Variants in PDIK1L observed in about 807,000 individuals in gnomAD.
PDIK1L encodes the protein serine/threonine-protein kinase PDIK1L.
In PDIK1L, 9 loss-of-function variants were observed where a neutral mutation model predicts 27.1. The observed-to-expected ratio is 0.33, with a 90% CI of 0.20 to 0.58. The LOEUF (loss-of-function observed/expected upper bound fraction) is 0.58. PDIK1L is among the 20% of genes least tolerant of loss of function. The pLI, the probability that PDIK1L is intolerant of heterozygous loss-of-function variation, is 0.86. For synonymous variants in PDIK1L, 130 were observed against 141.7 expected, an observed-to-expected ratio of 0.92 and a Z score of 0.59; for missense variants, 216 against 413.2, an observed-to-expected ratio of 0.52 and a Z score of 4.14.
At chr1:26,120,520 G>A (rs144220913) in intron 2 of PDIK1L, among the ~76,000 whole-genome samples, 3 of 152,328 alleles carry the variant, frequency 2.0e-5, no homozygotes, top group African/African-American at 4.8e-5. Flanking sequence ...TTCTTTGCTT[G>A]TGCTTTCCCA....
In PDIK1L at chr1:26,114,654, G is replaced by C; in HGVS notation, c.285+61G>C. On this transcript the variant is annotated intron_variant, in intron 2 of 2. Coordinates refer to ENST00000374269, the MANE Select transcript of PDIK1L (RefSeq NM_152835.5). This position sits in a 1 kb window ranked among gnomAD's most constrained non-coding sequence, Gnocchi z 4.8. ...AACATGGCATTGGCCAGCAAGAAGA[G>C]GAATGAAAGGGTCAGACGAACGTTT... 1 of 1,554,640 alleles carries C rather than the reference G, an allele frequency of 6.4e-7. No homozygotes were observed. The highest frequency in any genetic ancestry group is 8.8e-7 in the Non-Finnish European group (1 of 1,138,670).
intron 2 of PDIK1L, among the ~76,000 whole-genome samples, chr1:26,120,075 C>T (rs1002284386): frequency 4.6e-5 from 7 of 152,206 alleles, no homozygotes; most frequent in Non-Finnish European, 7.3e-5. Context: ...TTGGGTGCTG[C>T]ATTTCCATAG....
chr1:26,119,439 A>C (rs1050872654), intron 2 of PDIK1L, among the ~76,000 whole-genome samples: 1 of 151,332 alleles, frequency 6.6e-6, no homozygotes, highest in Non-Finnish European at 1.5e-5. Flanking sequence ...CACACACACA[A>C]AATATATATA....
Position 26,122,908 on chromosome 1 carries a change from ATTAGGAAT to A in PDIK1L, c.*334_*341del, listed in dbSNP as rs2088014687. The A allele has an allele frequency of 1.1e-5, 2 of 180,384 alleles. No homozygotes were observed. The highest frequency in any genetic ancestry group is 2.3e-5 in the Non-Finnish European group (2 of 85,700). 11.2% of individuals were successfully genotyped at this position (180,384 alleles called of 1,614,324 possible). A position where few individuals can be genotyped will look rare whatever the true frequency, so the allele number is the denominator to read the frequency against. On this transcript the variant is annotated 3_prime_UTR_variant, in exon 3 of 3. Transcript: ENST00000374269. The surrounding 1 kb of genome is among the most constrained non-coding windows in gnomAD (Gnocchi z 5.4). ...AGTATTTTAGACATTCCTCGTCAGTATTAGGAATTTCCATGGGAAAAGAGGTTTGCATG... is the reference window on the plus strand; with the variant it reads ...AGTATTTTAGACATTCCTCGTCAGTATTCCATGGGAAAAGAGGTTTGCATG...
In PDIK1L at chr1:26,122,279, T is replaced by C; in HGVS notation, c.728T>C (p.Leu243Pro). ...ACAGCAAAAGCTGACATCTTTGCTC[T>C]GGGGATTATCATCTGGGCAATGCTG... Reference protein sequence around the residue: ...HYTAKADIFALGIIIWAMLER... With the variant: ...HYTAKADIFAPGIIIWAMLER... The change falls in exon 3 of 3, where the codon CTG (leucine) becomes CCG (proline). Residue 243 changes from leucine (L) to proline (P), a missense_variant. Leu to Pro is a moderately conservative substitution (Grantham distance 98, BLOSUM62 -3). This residue lies in a region of PDIK1L where 169 missense variants were observed against 366.0 expected (regional missense o/e 0.46). Coordinates refer to ENST00000374269, the MANE Select transcript of PDIK1L (RefSeq NM_152835.5). The surrounding 1 kb of genome is among the most constrained non-coding windows in gnomAD (Gnocchi z 5.4). 6.2e-7 allele frequency: 1 copy of C among 1,614,170 alleles called. No individual in the cohort carries two copies. Among genetic ancestry groups the C allele is most frequent in the South Asian group, 1.1e-5 (1 of 91,082 alleles).
chr1:26,115,592 G>A (rs2087862849), intron 2 of PDIK1L, among the ~76,000 whole-genome samples: 1 of 151,510 alleles, frequency 6.6e-6, no homozygotes, highest in Non-Finnish European at 1.5e-5. Context: ...ACGAGGTCAG[G>A]AGATCAAGAC....
chr1:26,113,353 G>T (rs1028478200), intron 1 of PDIK1L, among the ~76,000 whole-genome samples: 12 of 151,966 alleles, frequency 7.9e-5, no homozygotes, highest in African/African-American at 2.9e-4. Flanking sequence ...ATAGCCGGGT[G>T]TGGTGGCAGG....
chr1:26,118,232 G>T (rs1430876662), intron 2 of PDIK1L, among the ~76,000 whole-genome samples: 2 of 152,146 alleles, frequency 1.3e-5, no homozygotes, highest in Non-Finnish European at 2.9e-5. Context: ...GAGGCAGGAG[G>T]ATTGCTAGAG....
chr1:26,123,310 T>C lies in PDIK1L; in HGVS notation c.*733T>C, dbSNP rs2088024445. 6.6e-6 allele frequency: 1 copy of C among 151,990 alleles called. No homozygotes were observed. The allele number at this position is 151,990 out of a possible 1,614,324, so 9.4% of individuals were successfully genotyped here. On this transcript the variant is annotated 3_prime_UTR_variant, in exon 3 of 3. Coordinates refer to ENST00000374269, the MANE Select transcript of PDIK1L (RefSeq NM_152835.5). ...TATGTTTGAACTCTCCAGTGCCCTA[T>C]AGCTGCAAGAGTTGAATTAGTCATG... is the stretch of plus-strand genomic sequence containing the variant.
At chr1:26,120,074 G>C (rs17184884) in intron 2 of PDIK1L, among the ~76,000 whole-genome samples, 4 of 152,146 alleles carry the variant, frequency 2.6e-5, no homozygotes, top group African/African-American at 9.7e-5. Flanking sequence ...ATTGGGTGCT[G>C]CATTTCCATA....
chr1:26,118,288 T>C (rs2124472029), intron 2 of PDIK1L, among the ~76,000 whole-genome samples: 1 of 152,236 alleles, frequency 6.6e-6, no homozygotes, highest in Non-Finnish European at 1.5e-5. Context: ...ACCACTGCAC[T>C]CTAGCCTTTA....
At position 26,114,528 on chromosome 1, in the gene PDIK1L, A is replaced by T; in HGVS notation, c.220A>T (p.Ile74Phe). ...HPNVIHLEEC[I>F]LQKDGMVQKM... Reference sequence around the variant, plus strand: ...AAATGTGATTCACTTGGAGGAATGCATCCTACAAAAGGATGGGATGGTGCA... The same window carrying T: ...AAATGTGATTCACTTGGAGGAATGCTTCCTACAAAAGGATGGGATGGTGCA... Residue 74 changes from isoleucine (I) to phenylalanine (F), a missense_variant, in exon 2 of 3, where the codon ATC becomes TTC. By Grantham distance (21) the Ile-to-Phe change is conservative. This residue lies in a region of PDIK1L where 169 missense variants were observed against 366.0 expected (regional missense o/e 0.46). Transcript: ENST00000374269. This position sits in a 1 kb window ranked among gnomAD's most constrained non-coding sequence, Gnocchi z 4.8. 9 of 1,614,196 alleles carry T rather than the reference A, an allele frequency of 5.6e-6. No homozygotes were observed. The highest frequency in any genetic ancestry group is 7.6e-6 in the Non-Finnish European group (9 of 1,180,014).
At chr1:26,116,310 G>A (rs2087875974) in intron 2 of PDIK1L, among the ~76,000 whole-genome samples, 1 of 151,834 alleles carries the variant, frequency 6.6e-6, no homozygotes, top group Admixed American at 6.6e-5. Context: ...AGGAGTTCAA[G>A]ACCAGCCTGG....
At chr1:26,113,447 A>C (rs1197161885) in intron 1 of PDIK1L, among the ~76,000 whole-genome samples, 1 of 151,394 alleles carries the variant, frequency 6.6e-6, no homozygotes, top group Admixed American at 6.6e-5. Context: ...AGCCGAGATC[A>C]AGTCATTGCA....
intron 2 of PDIK1L, among the ~76,000 whole-genome samples, chr1:26,120,229 A>G (rs1407575281): frequency 1.3e-5 from 2 of 152,212 alleles, no homozygotes; most frequent in Non-Finnish European, 2.9e-5. Context: ...TCAAGCCCGA[A>G]ATATTTACTA....
chr1:26,117,984 T>C (rs182806205), intron 2 of PDIK1L, among the ~76,000 whole-genome samples: 1 of 150,724 alleles, frequency 6.6e-6, no homozygotes. Context: ...CACTTGAGCC[T>C]TGGAGGCGGA....
At chr1:26,112,311 C>T (rs1456439627) in intron 1 of PDIK1L, 1 of 152,226 alleles carries the variant, frequency 6.6e-6, no homozygotes, top group East Asian at 1.9e-4. Flanking sequence ...AGGTGTCTGG[C>T]CTGGCCGGCT....
chr1:26,116,892 A>G (rs1569807752), intron 2 of PDIK1L, among the ~76,000 whole-genome samples: 1 of 146,268 alleles, frequency 6.8e-6, no homozygotes, highest in South Asian at 2.2e-4. Flanking sequence ...ATTTTTGTGT[A>G]TTTAGTAGAG....
chr1:26,114,222 C>G lies in PDIK1L; in HGVS notation c.-17-70C>G. On this transcript the variant is annotated intron_variant, in intron 1 of 2. Transcript: ENST00000374269. This position sits in a 1 kb window ranked among gnomAD's most constrained non-coding sequence, Gnocchi z 4.8. ...ACAGTCAGACAGATGACAAGTAAAT[C>G]ATACATAAGAAGAAATACAAGCCAG... 7.1e-7 allele frequency: 1 copy of G among 1,402,500 alleles called. No individual in the cohort carries two copies. Among genetic ancestry groups the G allele is most frequent in the Non-Finnish European group, 9.6e-7 (1 of 1,040,902 alleles). 86.9% of individuals were successfully genotyped at this position (1,402,500 alleles called of 1,614,324 possible).
Sources: gnomAD v4.1 joint callset for allele counts (sites outside exome capture counted in the v4.1 genomes callset) on GRCh38, gnomAD v4.1.1 for gene constraint, gnomAD v4.1.1 regional missense constraint, Gnocchi (gnomAD v3.1) non-coding constraint, MANE v1.5 for transcripts, NCBI Gene and HGNC (gene_info 2026-07-23, HGNC 2026-07-21) for gene names.